Variants in TEAD1 observed in about 807,000 individuals in gnomAD.
The protein encoded by TEAD1 is TEA domain transcription factor 1, also known as transcriptional enhancer factor TEF-1.
A neutral mutation model predicts 54.9 loss-of-function variants in TEAD1; 9 were observed. That is an observed-to-expected ratio of 0.16 (90% CI 0.10 to 0.29). The LOEUF (loss-of-function observed/expected upper bound fraction) is 0.29, where lower values mean the gene tolerates loss of function less well. TEAD1 is among the 10% of genes least tolerant of loss of function. The pLI is 1.00. For synonymous variants in TEAD1, 200 were observed against 187.8 expected, an observed-to-expected ratio of 1.07 and a Z score of -0.53; for missense variants, 387 against 535.9, an observed-to-expected ratio of 0.72 and a Z score of 2.74.
chr11:12,731,560 T>G (rs1302483412), intron 2 of TEAD1, among the ~76,000 whole-genome samples: 2 of 152,200 alleles, frequency 1.3e-5, no homozygotes, highest in African/African-American at 4.8e-5. Context: ...TTACTGCAAT[T>G]AATAACAATT....
intron 8 of TEAD1, among the ~76,000 whole-genome samples, chr11:12,882,267 A>C (rs946206925): frequency 1.3e-5 from 2 of 152,172 alleles, no homozygotes; most frequent in Non-Finnish European, 2.9e-5. Flanking sequence ...AAACTGGCCA[A>C]ATTAGGCAGT....
chr11:12,700,299 C>A (rs981180475), intron 2 of TEAD1, among the ~76,000 whole-genome samples: 1 of 151,406 alleles, frequency 6.6e-6, no homozygotes, highest in Non-Finnish European at 1.5e-5. Flanking sequence ...TGGACTTTTT[C>A]TTCCATAACT....
rs566099910 is a variant in TEAD1, at chr11:12,717,288, C to T, written c.-55+41727C>T. 2.0e-5 allele frequency among the ~76,000 whole-genome samples: 3 copies of T among 152,266 alleles called. No homozygotes were observed. The South Asian group carries it at 6.2e-4, about 32-fold the overall frequency. On this transcript the variant is annotated intron_variant, in intron 2 of 12. Coordinates refer to ENST00000527636, the MANE Select transcript of TEAD1 (RefSeq NM_021961.6). ...TATTGTGTGTTTTAAGTGAAAGGAT[C>T]AATTGGATTTGAATTTCTGTCACTG...
At chr11:12,687,957 T>G (rs1943368388) in intron 2 of TEAD1, among the ~76,000 whole-genome samples, 1 of 152,140 alleles carries the variant, frequency 6.6e-6, no homozygotes, top group South Asian at 2.1e-4. Flanking sequence ...AGTTTGGAAG[T>G]TTGGAACTGG....
chr11:12,835,238 G>T (rs1337083243), intron 3 of TEAD1, among the ~76,000 whole-genome samples: 2 of 152,188 alleles, frequency 1.3e-5, no homozygotes, highest in Non-Finnish European at 2.9e-5. Context: ...GTTTGGGATA[G>T]ATTCCTGGTG....
chr11:12,759,010 A>G (rs1286931750), intron 2 of TEAD1, among the ~76,000 whole-genome samples: 3 of 152,118 alleles, frequency 2.0e-5, no homozygotes, highest in Admixed American at 6.5e-5. Flanking sequence ...GTGACCTCAT[A>G]GAATATTGAG....
chr11:12,789,712 A>G (rs1945755265), intron 3 of TEAD1, among the ~76,000 whole-genome samples: 1 of 152,208 alleles, frequency 6.6e-6, no homozygotes, highest in Non-Finnish European at 1.5e-5. Flanking sequence ...TCCAGCATGG[A>G]TATGTATGGA....
At chr11:12,925,466 CAT>C (rs988825804) in intron 11 of TEAD1, among the ~76,000 whole-genome samples, 38 of 152,330 alleles carry the variant, frequency 2.5e-4, no homozygotes, top group African/African-American at 7.7e-4. Flanking sequence ...CCTCCTCTGA[CAT>C]GTGGGGATTA....
At chr11:12,851,428 G>A (rs905657928) in intron 3 of TEAD1, among the ~76,000 whole-genome samples, 3 of 152,126 alleles carry the variant, frequency 2.0e-5, no homozygotes, top group Non-Finnish European at 2.9e-5. Context: ...TTTCACTATG[G>A]TAGCCATTTT....
At chr11:12,806,459 T>G (rs1228318624) in intron 3 of TEAD1, among the ~76,000 whole-genome samples, 1 of 151,820 alleles carries the variant, frequency 6.6e-6, no homozygotes, top group Non-Finnish European at 1.5e-5. Context: ...GGGTCCTTGG[T>G]CGATGGTCTA....
chr11:12,769,228 A>G (rs540843676), intron 3 of TEAD1, among the ~76,000 whole-genome samples: 82 of 152,246 alleles, frequency 5.4e-4, no homozygotes, highest in Non-Finnish European at 8.7e-4. Context: ...ACCAGCGAAG[A>G]TGAGGGGGAG....
rs1266103648 is a variant in TEAD1, at chr11:12,821,952, TCTC to T, written c.203-40297_203-40295del. 6.8e-4 allele frequency among the ~76,000 whole-genome samples: 84 copies of T among 123,320 alleles called. 2 individuals are homozygous for T. In the East Asian group the frequency reaches 0.01, roughly 15 times the overall value. 80.9% of individuals were successfully genotyped at this position (123,320 alleles called of 152,430 possible). ...CTTTTCCTATACTCTCTCTCCTTTT[TCTC>T]TTTTCCTTTTTTTTTTTTTTTTTTT... On this transcript the variant is annotated intron_variant, in intron 3 of 12. Transcript: ENST00000527636.
intron 2 of TEAD1, among the ~76,000 whole-genome samples, chr11:12,710,463 C>T (rs1384229346): frequency 6.6e-6 from 1 of 152,074 alleles, no homozygotes; most frequent in African/African-American, 2.4e-5. Context: ...ACAGTGAAGT[C>T]AGGAGTATAG....
intron 3 of TEAD1, among the ~76,000 whole-genome samples, chr11:12,816,877 C>T (rs1431984412): frequency 6.6e-6 from 1 of 152,194 alleles, no homozygotes; most frequent in Non-Finnish European, 1.5e-5. Flanking sequence ...GAACCTACAA[C>T]TGCTGCACCC....
intron 5 of TEAD1, among the ~76,000 whole-genome samples, chr11:12,878,119 T>G (rs1478286413): frequency 6.6e-6 from 1 of 152,156 alleles, no homozygotes; most frequent in Non-Finnish European, 1.5e-5. Flanking sequence ...CCCCTTTCCC[T>G]TTTTCTTTAT....
intron 3 of TEAD1, among the ~76,000 whole-genome samples, chr11:12,824,031 G>A (rs1368435363): frequency 6.6e-6 from 1 of 152,180 alleles, no homozygotes; most frequent in South Asian, 2.1e-4. Flanking sequence ...GAGAACGTCT[G>A]TAAAATTAAG....
intron 11 of TEAD1, among the ~76,000 whole-genome samples, chr11:12,927,085 C>T (rs16911782): frequency 0.012 from 1,830 of 152,260 alleles, 25 homozygotes; most frequent in African/African-American, 0.038. Flanking sequence ...TGTCCTCAGA[C>T]GATACACCCA....
At chr11:12,682,345 G>A (rs1047388926) in intron 2 of TEAD1, among the ~76,000 whole-genome samples, 8 of 152,178 alleles carry the variant, frequency 5.3e-5, no homozygotes, top group Non-Finnish European at 1.2e-4. Flanking sequence ...TCTCTGCTCG[G>A]CATTCATTTA....
chr11:12,694,079 C>T (rs1047140712), intron 2 of TEAD1, among the ~76,000 whole-genome samples: 2 of 152,180 alleles, frequency 1.3e-5, no homozygotes, highest in African/African-American at 2.4e-5. Flanking sequence ...CTGTGCGGCC[C>T]GGCACAACTC....
Sources: allele counts gnomAD v4.1 joint callset (sites outside exome capture counted in the v4.1 genomes callset), GRCh38; gene constraint gnomAD v4.1.1; transcripts MANE v1.5; gene names NCBI Gene and HGNC (gene_info 2026-07-23, HGNC 2026-07-21).